Variants in EXOC6 observed in about 807,000 individuals in gnomAD.
EXOC6 encodes the protein SEC15-like 1.
EXOC6 carries 60 observed loss-of-function variants against 112.5 expected under a neutral mutation model. That is an observed-to-expected ratio of 0.53 (90% confidence interval 0.43 to 0.66). The LOEUF is 0.66. Among genes scored for constraint, EXOC6 ranks in the 30% least tolerant of loss-of-function variants. The probability of loss-of-function intolerance (pLI) is 0.00; values close to 1 mark genes in which losing one functional copy is unlikely to be tolerated. For synonymous variants in EXOC6, 295 were observed against 308.0 expected, an observed-to-expected ratio of 0.96 and a Z score of 0.44; for missense variants, 855 against 957.1, an observed-to-expected ratio of 0.89 and a Z score of 1.41.
chr10:92,936,353 ATTG>A (rs1852338689), intron 12 of EXOC6, among the ~76,000 whole-genome samples: 1 of 152,228 alleles, frequency 6.6e-6, no homozygotes, highest in African/African-American at 2.4e-5. Flanking sequence ...TAATTTCAGA[ATTG>A]TTTTTAGTTT....
intron 19 of EXOC6, among the ~76,000 whole-genome samples, chr10:93,009,161 T>C (rs987904149): frequency 6.6e-6 from 1 of 151,768 alleles, no homozygotes; most frequent in Non-Finnish European, 1.5e-5. Context: ...GAGGCTGCAG[T>C]GAGCTGTGAT....
chr10:93,020,061 A>C (rs1470733978), intron 20 of EXOC6, among the ~76,000 whole-genome samples: 3 of 152,156 alleles, frequency 2.0e-5, no homozygotes, highest in African/African-American at 7.2e-5. Context: ...GATTTTTTTA[A>C]AAGGGGGACT....
At chr10:92,870,999 T>C (rs1179995907) in intron 1 of EXOC6, among the ~76,000 whole-genome samples, 4 of 152,050 alleles carry the variant, frequency 2.6e-5, no homozygotes, top group Non-Finnish European at 5.9e-5. Context: ...TGAGCCACCA[T>C]GCCCAGCTGA....
At chr10:92,981,180 A>G (rs1384398461) in intron 18 of EXOC6, among the ~76,000 whole-genome samples, 1 of 152,258 alleles carries the variant, frequency 6.6e-6, no homozygotes, top group African/African-American at 2.4e-5. Context: ...AACTTAAACC[A>G]GAAGAATTTT....
chr10:92,896,489 A>T (rs1849833719), intron 4 of EXOC6, among the ~76,000 whole-genome samples: 1 of 150,388 alleles, frequency 6.6e-6, no homozygotes, highest in Non-Finnish European at 1.5e-5. Flanking sequence ...GAGCCACTGC[A>T]CCCGCTATAT....
intron 18 of EXOC6, among the ~76,000 whole-genome samples, chr10:92,996,357 T>C (rs2134173443): frequency 1.3e-5 from 2 of 152,224 alleles, no homozygotes; most frequent in South Asian, 4.2e-4. Context: ...GCAAAACCTG[T>C]TTAAAAAAAT....
rs2133954671 is a variant in EXOC6 at position 92,934,291 on chromosome 10, T to G, written c.1020-19T>G. 6.4e-7 allele frequency: 1 copy of G among 1,568,482 alleles called. No individual in the cohort carries two copies. Among genetic ancestry groups the G allele is most frequent in the South Asian group, 1.2e-5 (1 of 82,054 alleles). ...GGGTTTTTTTTTTTAACACATGCTT[T>G]GGTAATTACTGTTTTTAGGTTCTTT... On this transcript the variant is annotated intron_variant, in intron 10 of 21. Transcript: ENST00000260762.
At chr10:92,984,575 T>C (rs1842935742) in intron 18 of EXOC6, among the ~76,000 whole-genome samples, 1 of 152,180 alleles carries the variant, frequency 6.6e-6, no homozygotes, top group Non-Finnish European at 1.5e-5. Context: ...TCGGTTTTGC[T>C]GAATTCCCGT....
Position 92,928,302 on chromosome 10 carries a change from A to G in EXOC6, c.889-37A>G, listed in dbSNP as rs753296752. The G allele has an allele frequency of 1.8e-5, 20 of 1,140,730 alleles. No homozygotes were observed. The Admixed American group carries it at 2.8e-4, about 16-fold the overall frequency. The allele number at this position is 1,140,730 out of a possible 1,614,324, so 70.7% of individuals were successfully genotyped here. On this transcript the variant is annotated intron_variant, in intron 8 of 21. Coordinates refer to ENST00000260762, the MANE Select transcript of EXOC6 (RefSeq NM_019053.6). The stretch of plus-strand genomic sequence containing the variant: ...ATCTGTTTTAGTTGTATGTGTGTGT[A>G]TGTGTATTTTTCATTACTCTGCTGA...
At chr10:92,919,335 G>A (rs920262072) in intron 7 of EXOC6, among the ~76,000 whole-genome samples, 3 of 152,202 alleles carry the variant, frequency 2.0e-5, no homozygotes, top group Admixed American at 6.5e-5. Context: ...AGTTCACTCT[G>A]GAGATTCACA....
chr10:92,926,052 TAAA>T (rs146789374), intron 8 of EXOC6, among the ~76,000 whole-genome samples: 1 of 139,742 alleles, frequency 7.2e-6, no homozygotes, highest in Non-Finnish European at 1.6e-5. Flanking sequence ...GTGGACTTTT[TAAA>T]AAAAAAAAAA....
intron 18 of EXOC6, among the ~76,000 whole-genome samples, chr10:92,977,290 C>T (rs1842661144): frequency 6.6e-6 from 1 of 152,036 alleles, no homozygotes; most frequent in Non-Finnish European, 1.5e-5. Context: ...GGTAATTTTC[C>T]TCATCCTTTA....
intron 1 of EXOC6, among the ~76,000 whole-genome samples, chr10:92,878,848 GA>G (rs1409186105): frequency 6.6e-6 from 1 of 152,056 alleles, no homozygotes; most frequent in East Asian, 1.9e-4. Context: ...GTCAAGTTGA[GA>G]TTTTTAAGAA....
At chr10:92,981,408 T>A (rs1842819519) in intron 18 of EXOC6, among the ~76,000 whole-genome samples, 1 of 152,212 alleles carries the variant, frequency 6.6e-6, no homozygotes, top group Non-Finnish European at 1.5e-5. Context: ...CTCATTTTAA[T>A]GAAGGTAGTT....
At chr10:92,984,527 T>G (rs1464343085) in intron 18 of EXOC6, among the ~76,000 whole-genome samples, 1 of 152,080 alleles carries the variant, frequency 6.6e-6, no homozygotes, top group African/African-American at 2.4e-5. Context: ...GTTTTTTTGT[T>G]TTGTTTTGTT....
chr10:92,991,725 T>TTC (rs72252880), intron 18 of EXOC6, among the ~76,000 whole-genome samples: 40,223 of 148,816 alleles, frequency 0.27, 5,913 homozygotes, highest in East Asian at 0.66. Context: ...CACGTTCTAT[T>TTC]TCTCTCTCTC....
chr10:92,851,103 A>G (rs1311015543), intron 1 of EXOC6, among the ~76,000 whole-genome samples: 3 of 152,246 alleles, frequency 2.0e-5, no homozygotes, highest in Non-Finnish European at 2.9e-5. Context: ...GAATGCAGCT[A>G]AAGAAATAGT....
At chr10:93,040,954 T>G (rs1481088123) in intron 20 of EXOC6, among the ~76,000 whole-genome samples, 1 of 152,262 alleles carries the variant, frequency 6.6e-6, no homozygotes, top group East Asian at 1.9e-4. Flanking sequence ...CTAGGTGAGC[T>G]GACCCGCTTT....
intron 20 of EXOC6, among the ~76,000 whole-genome samples, chr10:93,037,092 C>G (rs1014936343): frequency 4.6e-5 from 7 of 151,348 alleles, no homozygotes; most frequent in Admixed American, 6.6e-5. Flanking sequence ...GGAGCTATAT[C>G]TTTTCTCTCA....
Sources: allele counts gnomAD v4.1 joint callset (sites outside exome capture counted in the v4.1 genomes callset), GRCh38; gene constraint gnomAD v4.1.1; transcripts MANE v1.5; gene names NCBI Gene and HGNC (gene_info 2026-07-23, HGNC 2026-07-21).